Variants in MYO1D observed in about 807,000 individuals in gnomAD.
The protein encoded by MYO1D is myosin ID, also known as unconventional myosin-Id.
In MYO1D, 83 loss-of-function variants were observed where a neutral mutation model predicts 122.0. The ratio of observed to expected loss-of-function variants is 0.68; its 90% confidence interval spans 0.57 to 0.82. The LOEUF (loss-of-function observed/expected upper bound fraction) is 0.82. Among genes scored for constraint, MYO1D ranks in the 40% least tolerant of loss-of-function variants. The pLI, the probability that MYO1D is intolerant of heterozygous loss-of-function variation, is 0.00. For synonymous variants in MYO1D, 464 were observed against 446.9 expected (o/e 1.04, Z -0.48); for missense variants, 1,157 against 1,269.5 (o/e 0.91, Z 1.35).
chr17:32,521,811 C>T (rs1001382786), intron 21 of MYO1D, among the ~76,000 whole-genome samples: 14 of 151,988 alleles, frequency 9.2e-5, no homozygotes, highest in African/African-American at 2.9e-4. Context: ...AGGCCAGGCG[C>T]GGTGGCTCAC....
At chr17:32,819,294 G>A (rs2090640373) in intron 1 of MYO1D, among the ~76,000 whole-genome samples, 1 of 152,058 alleles carries the variant, frequency 6.6e-6, no homozygotes, top group Non-Finnish European at 1.5e-5. Flanking sequence ...TGGCTGTGAG[G>A]AGATAAACAG....
At chr17:32,841,290 A>T (rs1234478397) in intron 1 of MYO1D, among the ~76,000 whole-genome samples, 2 of 152,048 alleles carry the variant, frequency 1.3e-5, no homozygotes, top group African/African-American at 4.8e-5. Context: ...AACATGGCAA[A>T]AATCCCACCT....
At chr17:32,766,643 T>C (rs1006950908) in intron 7 of MYO1D, among the ~76,000 whole-genome samples, 1 of 151,832 alleles carries the variant, frequency 6.6e-6, no homozygotes, top group Non-Finnish European at 1.5e-5. Flanking sequence ...ATAAAAAAAA[T>C]TAGCCAGGCG....
chr17:32,823,154 C>T (rs549261588), intron 1 of MYO1D, among the ~76,000 whole-genome samples: 2 of 152,190 alleles, frequency 1.3e-5, no homozygotes, highest in Non-Finnish European at 2.9e-5. Context: ...TTTGCTTCCT[C>T]AGTATAGGCA....
rs1406382048 is a variant in MYO1D at position 32,630,491 on chromosome 17, A to T, written c.2709+8231T>A. 5.9e-5 allele frequency among the ~76,000 whole-genome samples: 9 copies of T among 152,324 alleles called. No homozygotes were observed. The East Asian group carries it at 1.7e-3, about 29-fold the overall frequency. On this transcript the variant is annotated intron_variant, in intron 20 of 21. Coordinates refer to ENST00000318217, the MANE Select transcript of MYO1D (RefSeq NM_015194.3). Reference sequence around the variant, plus strand: ...GGGCTGCCATGATAAAGTATCACAGACTAGGTGGCTTAAACAGCAGAAATG... The same window carrying T: ...GGGCTGCCATGATAAAGTATCACAGTCTAGGTGGCTTAAACAGCAGAAATG...
intron 15 of MYO1D, among the ~76,000 whole-genome samples, chr17:32,713,070 G>T (rs1298088051): frequency 6.6e-6 from 1 of 152,090 alleles, no homozygotes; most frequent in Non-Finnish European, 1.5e-5. Flanking sequence ...GTCAAATTTA[G>T]TTTTTTTCTT....
chr17:32,719,555 T>C (rs1322974328), intron 15 of MYO1D, among the ~76,000 whole-genome samples: 1 of 152,080 alleles, frequency 6.6e-6, no homozygotes, highest in Admixed American at 6.5e-5. Context: ...TTTCACCTTG[T>C]TAGCCAGGAT....
chr17:32,832,821 T>A (rs2090785473), intron 1 of MYO1D, among the ~76,000 whole-genome samples: 1 of 152,230 alleles, frequency 6.6e-6, no homozygotes, highest in Admixed American at 6.5e-5. Context: ...AATCTACTGT[T>A]CTTTAAAATA....
At chr17:32,559,226 C>T (rs2150888939) in intron 21 of MYO1D, among the ~76,000 whole-genome samples, 1 of 152,284 alleles carries the variant, frequency 6.6e-6, no homozygotes, top group African/African-American at 2.4e-5. Context: ...AATCCATATA[C>T]AATAGGGATC....
chr17:32,647,757 G>T (rs1052743406), intron 19 of MYO1D, among the ~76,000 whole-genome samples: 1 of 148,642 alleles, frequency 6.7e-6, no homozygotes. Flanking sequence ...TAGTCTGATC[G>T]ACTCTAGGTA....
chr17:32,603,771 C>T (rs536608950), intron 21 of MYO1D, among the ~76,000 whole-genome samples: 93 of 152,162 alleles, frequency 6.1e-4, no homozygotes, highest in African/African-American at 1.8e-3. Flanking sequence ...GTGATCCGCC[C>T]GCCTCAGCCT....
chr17:32,841,626 T>C (rs1293282127), intron 1 of MYO1D, among the ~76,000 whole-genome samples: 1 of 152,146 alleles, frequency 6.6e-6, no homozygotes, highest in Non-Finnish European at 1.5e-5. Context: ...GGGAAGCATC[T>C]GGGAGACAGG....
Position 32,599,136 on chromosome 17 carries a change from C to G in MYO1D, c.2864+5951G>C, listed in dbSNP as rs538203995. Among the ~76,000 whole-genome samples the G allele has an allele frequency of 5.3e-5, 8 of 152,290 alleles. No homozygotes were observed. The South Asian group carries it at 1.7e-3, about 32-fold the overall frequency. ...TGCGGTGCTGTTTGAGAGCATTTTA[C>G]CCATAATAGGATGTCTTTCAAAATT... On this transcript the variant is annotated intron_variant, in intron 21 of 21. Transcript: ENST00000318217.
intron 16 of MYO1D, among the ~76,000 whole-genome samples, chr17:32,672,101 G>T (rs1347353194): frequency 2.0e-5 from 3 of 152,224 alleles, no homozygotes; most frequent in African/African-American, 7.2e-5. Context: ...TGCCAGTCAT[G>T]TGCTGGGCTC....
intron 20 of MYO1D, among the ~76,000 whole-genome samples, chr17:32,607,199 A>AAC (rs2087639454): frequency 3.9e-5 from 6 of 152,148 alleles, no homozygotes; most frequent in Non-Finnish European, 8.8e-5. Flanking sequence ...ATTGAAAAGG[A>AAC]AGAAACACAT....
chr17:32,696,222 T>C (rs1402251120), intron 16 of MYO1D, among the ~76,000 whole-genome samples: 2 of 152,106 alleles, frequency 1.3e-5, no homozygotes, highest in African/African-American at 4.8e-5. Flanking sequence ...ATGTTCACTG[T>C]GGCATTTCAC....
At chr17:32,858,145 T>A (rs544574905) in intron 1 of MYO1D, among the ~76,000 whole-genome samples, 4 of 152,294 alleles carry the variant, frequency 2.6e-5, no homozygotes, top group African/African-American at 9.6e-5. Context: ...ATGCACAACA[T>A]CTCTTTACAA....
intron 14 of MYO1D, among the ~76,000 whole-genome samples, chr17:32,724,033 C>T (rs2089542706): frequency 6.6e-6 from 1 of 152,036 alleles, no homozygotes; most frequent in Admixed American, 6.6e-5. Context: ...TCAAGTGGAG[C>T]ATCTATATTG....
At chr17:32,678,449 C>G (rs1377462376) in intron 16 of MYO1D, among the ~76,000 whole-genome samples, 2 of 145,802 alleles carry the variant, frequency 1.4e-5, no homozygotes, top group South Asian at 2.3e-4. Flanking sequence ...TGATATTCCC[C>G]TTCCTGTGTC....
Sources: allele counts gnomAD v4.1 joint callset (sites outside exome capture counted in the v4.1 genomes callset), GRCh38; gene constraint gnomAD v4.1.1; transcripts MANE v1.5; gene names NCBI Gene and HGNC (gene_info 2026-07-23, HGNC 2026-07-21).